The following DISC1 variants were observed in gnomAD, a reference collection of about 807,000 sequenced individuals.
The protein encoded by DISC1 is disrupted in schizophrenia 1 protein.
In DISC1, 57 loss-of-function variants were observed where a neutral mutation model predicts 84.5. That is an observed-to-expected ratio of 0.67 (90% CI 0.55 to 0.84). DISC1 has a LOEUF of 0.84. Among genes scored for constraint, DISC1 ranks in the 40% least tolerant of loss-of-function variants. DISC1 has a pLI of 0.00. For missense variants in DISC1, 1,000 were observed against 1,057.8 expected, an observed-to-expected ratio of 0.95 and a Z score of 0.76; for synonymous variants, 411 against 415.2, an observed-to-expected ratio of 0.99 and a Z score of 0.12.
chr1:231,880,858 G>A (rs893885578), intron 9 of DISC1, among the ~76,000 whole-genome samples: 1 of 152,156 alleles, frequency 6.6e-6, no homozygotes, highest in Non-Finnish European at 1.5e-5. Context: ...CCCTCAGAAT[G>A]CAGGACCTGA....
At chr1:232,032,050 A>G (rs995254965) in intron 12 of DISC1, among the ~76,000 whole-genome samples, 10 of 152,314 alleles carry the variant, frequency 6.6e-5, no homozygotes, top group African/African-American at 2.2e-4. Flanking sequence ...GAATATTTGC[A>G]TTATACTTAC....
chr1:231,750,254 G>C, intron 4 of DISC1, 178 bp downstream of exon 4: 1 of 1,405,100 alleles, frequency 7.1e-7, no homozygotes, highest in Non-Finnish European at 9.2e-7. Context: ...GGCCCATGTG[G>C]GTCATGCATC....
intron 10 of DISC1, among the ~76,000 whole-genome samples, chr1:231,968,535 T>G (rs1661415884): frequency 7.1e-6 from 1 of 140,852 alleles, no homozygotes; most frequent in Non-Finnish European, 1.5e-5. Context: ...GAGCTTGCAG[T>G]GAGCCGAGAT....
intron 11 of DISC1, among the ~76,000 whole-genome samples, chr1:232,022,302 C>T (rs570178341): frequency 2.7e-5 from 4 of 150,892 alleles, no homozygotes; most frequent in African/African-American, 9.8e-5. Context: ...ACAGCTGATA[C>T]CCATGGTTCT....
At chr1:231,803,853 C>T (rs2079480466) in intron 8 of DISC1, among the ~76,000 whole-genome samples, 1 of 141,956 alleles carries the variant, frequency 7.0e-6, no homozygotes, top group African/African-American at 2.6e-5. Flanking sequence ...GAGGCGGAGG[C>T]AGGAGAATGG....
intron 9 of DISC1, among the ~76,000 whole-genome samples, chr1:231,932,423 G>A (rs990449009): frequency 9.2e-5 from 14 of 152,138 alleles, no homozygotes; most frequent in African/African-American, 3.4e-4. Context: ...CACACTGCTG[G>A]ACCCTGTATA....
At chr1:231,722,946 G>C (rs1175119041) in intron 3 of DISC1, 1 of 1,214,906 alleles carries the variant, frequency 8.2e-7, no homozygotes, top group Admixed American at 3.8e-5. Flanking sequence ...AAAAGCAAAT[G>C]GAAAAATATG....
chr1:231,873,378 T>C (rs2085609687), intron 9 of DISC1, among the ~76,000 whole-genome samples: 1 of 152,244 alleles, frequency 6.6e-6, no homozygotes, highest in Non-Finnish European at 1.5e-5. Flanking sequence ...TTCAGCCTGA[T>C]AGCAGTCAAA....
rs114739630 is a variant in DISC1, at chr1:231,689,247, G to A, written c.68-4579G>A. ...GGTGCATTCCCTGCAGCATTCTCGA[G>A]GTCCCAGCATTTTCCCTTCAGGAGA... On this transcript the variant is annotated intron_variant, in intron 1 of 12. Coordinates refer to ENST00000439617, the MANE Select transcript of DISC1 (RefSeq NM_018662.3). 2.8e-3 allele frequency among the ~76,000 whole-genome samples: 426 copies of A among 152,234 alleles called. 6 individuals are homozygous for A. The highest frequency in any genetic ancestry group is 9.8e-3 in the African/African-American group (407 of 41,556).
intron 9 of DISC1, among the ~76,000 whole-genome samples, chr1:231,829,388 AGGGT>A: frequency 6.6e-6 from 1 of 152,096 alleles, no homozygotes; most frequent in Admixed American, 6.5e-5. Context: ...TTTTTGAGAC[AGGGT>A]CTCACTCTGT....
chr1:231,852,678 CCT>C (rs1364687391), intron 9 of DISC1, among the ~76,000 whole-genome samples: 2 of 152,138 alleles, frequency 1.3e-5, no homozygotes, highest in African/African-American at 2.4e-5. Flanking sequence ...ATTGAGGTTC[CCT>C]CTCTGCCTAA....
intron 3 of DISC1, among the ~76,000 whole-genome samples, chr1:231,725,804 T>C (rs1056059937): frequency 9.9e-5 from 15 of 152,062 alleles, no homozygotes; most frequent in South Asian, 6.2e-4. Flanking sequence ...CTGAAGGCCC[T>C]TCTGGGCTGG....
chr1:231,710,112 G>A (rs2067624703), intron 3 of DISC1, among the ~76,000 whole-genome samples: 1 of 152,170 alleles, frequency 6.6e-6, no homozygotes, highest in South Asian at 2.1e-4. Context: ...TAAGGCAGGA[G>A]AATTGCTTGA....
intron 3 of DISC1, chr1:231,702,528 A>G (rs1021295820): frequency 1.0e-6 from 1 of 985,802 alleles, no homozygotes; most frequent in African/African-American, 1.8e-5. Flanking sequence ...GACTGTGCCA[A>G]AGGGGGTCAC....
chr1:231,855,290 TA>T, intron 9 of DISC1: 1 of 939,978 alleles, frequency 1.1e-6, no homozygotes. Flanking sequence ...ATAACATATG[TA>T]TATTTCAAAA....
At chr1:231,956,490 C>T (rs1659527035) in intron 9 of DISC1, among the ~76,000 whole-genome samples, 1 of 152,266 alleles carries the variant, frequency 6.6e-6, no homozygotes, top group Middle Eastern at 3.4e-3. Flanking sequence ...TCTGCTTCCA[C>T]CCCATCCTCC....
chr1:232,000,247 T>G (rs1666505790), intron 10 of DISC1, among the ~76,000 whole-genome samples: 1 of 152,118 alleles, frequency 6.6e-6, no homozygotes, highest in South Asian at 2.1e-4. Context: ...TCAGCAAAGA[T>G]ATAGAAATTT....
In DISC1 at chr1:231,904,833, A is replaced by G. The variant is rs146640575; in HGVS notation, c.1982-53995A>G. On this transcript the variant is annotated intron_variant, in intron 9 of 12. Transcript: ENST00000439617. Reference sequence around the variant, plus strand: ...AGGAAAAGATCAAAAAATGGGGGACATGCAAAAGGATCCCAAAGTCAGCCA... The same window carrying G: ...AGGAAAAGATCAAAAAATGGGGGACGTGCAAAAGGATCCCAAAGTCAGCCA... Among the ~76,000 whole-genome samples the G allele has an allele frequency of 1.7e-3, 259 of 152,330 alleles. 1 individual carries two copies. The highest frequency in any genetic ancestry group is 9.3e-3 in the East Asian group (48 of 5,186).
chr1:231,987,913 G>A (rs1344424343), intron 10 of DISC1, among the ~76,000 whole-genome samples: 4 of 152,178 alleles, frequency 2.6e-5, no homozygotes, highest in Non-Finnish European at 5.9e-5. Context: ...CTTGGGCCTG[G>A]TATGGTGGCT....
Sources: allele counts gnomAD v4.1 joint callset (sites outside exome capture counted in the v4.1 genomes callset), GRCh38; gene constraint gnomAD v4.1.1; transcripts MANE v1.5; gene names NCBI Gene and HGNC (gene_info 2026-07-23, HGNC 2026-07-21).